The following SMYD3 variants were observed in gnomAD, a reference collection of about 807,000 sequenced individuals.
SMYD3 encodes SET and MYND domain containing 3, also known as histone-lysine N-methyltransferase SMYD3.
In SMYD3, 36 loss-of-function variants were observed where a neutral mutation model predicts 57.7. The observed-to-expected ratio is 0.62, with a 90% CI of 0.48 to 0.82. The LOEUF (loss-of-function observed/expected upper bound fraction) is 0.82. Ranked by LOEUF, SMYD3 falls within the 40% of genes least tolerant of loss-of-function variation. The pLI is 0.00. For missense variants in SMYD3, 515 were observed against 538.8 expected (o/e 0.96, Z 0.44); for synonymous variants, 211 against 195.0 (o/e 1.08, Z -0.68).
At chr1:245,826,311 T>C (rs2049488526) in intron 10 of SMYD3, among the ~76,000 whole-genome samples, 1 of 152,150 alleles carries the variant, frequency 6.6e-6, no homozygotes, top group Non-Finnish European at 1.5e-5. Context: ...TGTGGCTGAC[T>C]TCACTTAGCG....
intron 1 of SMYD3, among the ~76,000 whole-genome samples, chr1:246,421,305 T>A (rs564418082): frequency 4.0e-5 from 6 of 149,682 alleles, no homozygotes; most frequent in South Asian, 4.2e-4. Context: ...AAGATCCTTT[T>A]AAAAAAAAAA....
chr1:246,355,068 T>C lies in SMYD3; in HGVS notation c.191A>G (p.Gln64Arg). 1 of 1,614,212 alleles carries C rather than the reference T, an allele frequency of 6.2e-7. No individual in the cohort carries two copies. Among genetic ancestry groups the C allele is most frequent in the Admixed American group, 1.7e-5 (1 of 60,016 alleles). ...LGKEKLMRCSQCRVAKYCSAK... is the reference protein window; with the variant it reads ...LGKEKLMRCSRCRVAKYCSAK... ...ACTACAGTATTTGGCGACGCGGCAC[T>C]GAGAGCATCGCATCAGCTTTTCCTT... Residue 64 changes from glutamine (Q) to arginine (R), a missense_variant, in exon 2 of 12, where the codon CAG (glutamine) becomes CGG (arginine). Gln to Arg is a conservative substitution (Grantham distance 43). Transcript: ENST00000490107. The surrounding 1 kb of genome is among the most constrained non-coding windows in gnomAD (Gnocchi z 5.0).
At chr1:246,067,855 T>G (rs561690126) in intron 5 of SMYD3, among the ~76,000 whole-genome samples, 3 of 152,124 alleles carry the variant, frequency 2.0e-5, no homozygotes, top group Non-Finnish European at 4.4e-5. Flanking sequence ...GAGGCTGAGG[T>G]CCGTCAGCAT....
intron 10 of SMYD3, among the ~76,000 whole-genome samples, chr1:245,836,431 TCGTGCAAGGCA>T (rs1230152937): frequency 5.9e-5 from 9 of 152,236 alleles, no homozygotes; most frequent in Admixed American, 2.6e-4. Flanking sequence ...GGAGCCGTCT[TCGTGCAAGGCA>T]AGTTCTTGAG....
chr1:246,219,927 C>T (rs2063226462), intron 5 of SMYD3, among the ~76,000 whole-genome samples: 1 of 152,158 alleles, frequency 6.6e-6, no homozygotes, highest in South Asian at 2.1e-4. Flanking sequence ...CCATGTACTC[C>T]ACCTCCCACC....
intron 5 of SMYD3, among the ~76,000 whole-genome samples, chr1:246,017,611 G>A (rs146248073): frequency 2.8e-4 from 42 of 152,250 alleles, no homozygotes; most frequent in Admixed American, 2.0e-4. Context: ...ATCCTATCAC[G>A]TGGTACATAA....
chr1:246,318,072 T>C (rs1057026712), intron 5 of SMYD3, among the ~76,000 whole-genome samples: 2 of 152,224 alleles, frequency 1.3e-5, no homozygotes, highest in Non-Finnish European at 2.9e-5. Context: ...ATTTATATTA[T>C]GTATTAATTT....
chr1:246,448,202 G>A (rs2067576167), intron 1 of SMYD3, among the ~76,000 whole-genome samples: 1 of 152,150 alleles, frequency 6.6e-6, no homozygotes, highest in Non-Finnish European at 1.5e-5. Context: ...GGGAAACAGA[G>A]CGAGACTCCG....
intron 2 of SMYD3, among the ~76,000 whole-genome samples, chr1:246,350,366 T>C (rs554303492): frequency 1.3e-5 from 2 of 152,244 alleles, no homozygotes; most frequent in African/African-American, 4.8e-5. Context: ...AACTCCTGTG[T>C]AGAAAATAAA....
intron 10 of SMYD3, among the ~76,000 whole-genome samples, chr1:245,783,001 C>T (rs2046892892): frequency 6.6e-6 from 1 of 152,198 alleles, no homozygotes; most frequent in Non-Finnish European, 1.5e-5. Context: ...GTCTGTGCAC[C>T]ATGTGGGGCT....
intron 5 of SMYD3, among the ~76,000 whole-genome samples, chr1:246,173,689 T>A (rs2062383188): frequency 6.6e-6 from 1 of 152,160 alleles, no homozygotes; most frequent in Non-Finnish European, 1.5e-5. Flanking sequence ...CCATATCAGA[T>A]CTCACTGGAA....
At chr1:246,394,650 C>T (rs2066627068) in intron 1 of SMYD3, among the ~76,000 whole-genome samples, 1 of 152,222 alleles carries the variant, frequency 6.6e-6, no homozygotes, top group Admixed American at 6.5e-5. Flanking sequence ...CCAAACTTAG[C>T]TATGCTTTAT....
chr1:246,021,979 C>A (rs1402502508), intron 5 of SMYD3, among the ~76,000 whole-genome samples: 1 of 152,218 alleles, frequency 6.6e-6, no homozygotes, highest in African/African-American at 2.4e-5. Context: ...TCAGCGTTTC[C>A]TCTCCTAGGT....
intron 1 of SMYD3, among the ~76,000 whole-genome samples, chr1:246,490,720 AGCCAGGTATAGTGGCAG>A (rs1167999852): frequency 6.6e-6 from 1 of 152,116 alleles, no homozygotes; most frequent in Non-Finnish European, 1.5e-5. Flanking sequence ...TTAAAAAATT[AGCCAGGTATAGTGGCAG>A]GCACCTGTGT....
At chr1:246,385,225 G>C (rs1369828125) in intron 1 of SMYD3, among the ~76,000 whole-genome samples, 2 of 152,004 alleles carry the variant, frequency 1.3e-5, no homozygotes, top group Non-Finnish European at 2.9e-5. Context: ...CTTGAAAATT[G>C]ATCTGAGTGA....
chr1:246,298,770 C>G (rs1057074122), intron 5 of SMYD3, among the ~76,000 whole-genome samples: 9 of 151,860 alleles, frequency 5.9e-5, no homozygotes, highest in African/African-American at 2.2e-4. Context: ...CTAGGTCTGC[C>G]TAGAACTGTC....
intron 8 of SMYD3, among the ~76,000 whole-genome samples, chr1:245,896,764 G>C (rs1010352195): frequency 6.6e-6 from 1 of 152,164 alleles, no homozygotes; most frequent in African/African-American, 2.4e-5. Context: ...CACCATCTAG[G>C]CAACACTTCT....
At chr1:246,504,441 A>G (rs1558495348) in intron 1 of SMYD3, among the ~76,000 whole-genome samples, 3 of 152,232 alleles carry the variant, frequency 2.0e-5, no homozygotes, top group Non-Finnish European at 2.9e-5. Flanking sequence ...CTGTAAAACA[A>G]TGGTAAGTAT....
At chr1:246,399,480 G>A (rs1433260455) in intron 1 of SMYD3, among the ~76,000 whole-genome samples, 1 of 152,074 alleles carries the variant, frequency 6.6e-6, no homozygotes, top group African/African-American at 2.4e-5. Flanking sequence ...GACTACAGAT[G>A]TGTGCCACCA....
Sources: allele counts gnomAD v4.1 joint callset (sites outside exome capture counted in the v4.1 genomes callset), GRCh38; gene constraint gnomAD v4.1.1; non-coding constraint Gnocchi (gnomAD v3.1); transcripts MANE v1.5; gene names NCBI Gene and HGNC (gene_info 2026-07-23, HGNC 2026-07-21).